The following GRID2 variants were observed in gnomAD, a reference collection of about 807,000 sequenced individuals.
GRID2 encodes the protein glutamate receptor ionotropic, delta-2.
Under a neutral mutation model 114.8 loss-of-function variants are expected in GRID2, and 33 were observed. The ratio of observed to expected loss-of-function variants is 0.29; its 90% confidence interval spans 0.22 to 0.38. The LOEUF (loss-of-function observed/expected upper bound fraction) is 0.38, where lower values mean the gene tolerates loss of function less well. Ranked by LOEUF, GRID2 falls within the 10% of genes least tolerant of loss-of-function variation. The pLI is 1.00. For synonymous variants in GRID2, 505 were observed against 449.9 expected, an observed-to-expected ratio of 1.12 and a Z score of -1.55; for missense variants, 1,184 against 1,257.7, an observed-to-expected ratio of 0.94 and a Z score of 0.89.
intron 2 of GRID2, among the ~76,000 whole-genome samples, chr4:92,592,076 GA>G (rs1728730044): frequency 1.3e-5 from 2 of 151,794 alleles, no homozygotes; most frequent in Admixed American, 6.6e-5. Context: ...GAAGGATCTG[GA>G]AAATCATAAC....
At chr4:92,965,483 AAAAAAAC>A (rs1442539999) in intron 2 of GRID2, among the ~76,000 whole-genome samples, 1 of 128,598 alleles carries the variant, frequency 7.8e-6, no homozygotes, top group African/African-American at 3.1e-5. Flanking sequence ...AAAAAAAAAA[AAAAAAAC>A]ACACAACATC....
chr4:92,327,341 A>G lies in GRID2; in HGVS notation c.88+22597A>G, dbSNP rs557600152. 1.9e-4 allele frequency among the ~76,000 whole-genome samples: 29 copies of G among 151,630 alleles called. No homozygotes were observed. The Admixed American group carries it at 1.9e-3, about 10-fold the overall frequency. ...GATAATTAAATATCAGTTTTTAACA[A>G]CATTCCTGCCTGTAATCCTAGATTT... On this transcript the variant is annotated intron_variant, in intron 1 of 15. Transcript: ENST00000282020.
chr4:92,463,246 C>T (rs762986603), intron 1 of GRID2, among the ~76,000 whole-genome samples: 1 of 151,842 alleles, frequency 6.6e-6, no homozygotes, highest in Non-Finnish European at 1.5e-5. Flanking sequence ...AAATTATCCT[C>T]TCAAAGGAAG....
intron 14 of GRID2, among the ~76,000 whole-genome samples, chr4:93,696,933 T>G (rs1727072569): frequency 6.6e-6 from 1 of 152,174 alleles, no homozygotes; most frequent in Non-Finnish European, 1.5e-5. Context: ...CGTTCCACAT[T>G]ATAGATATTC....
rs567961623 is a variant in GRID2, at chr4:92,844,475, G to T, written c.245-240520G>T. 6.6e-5 allele frequency among the ~76,000 whole-genome samples: 10 copies of T among 152,060 alleles called. 1 individual carries two copies. In the South Asian group the frequency reaches 1.9e-3, roughly 28 times the overall value. ...AATAACTTGAACCTGGGAAGAGGAG[G>T]TTGCAGTGAGCCAAGATCATGCCAC... On this transcript the variant is annotated intron_variant, in intron 2 of 15. Transcript: ENST00000282020.
At chr4:92,869,097 C>T (rs556715746) in intron 2 of GRID2, among the ~76,000 whole-genome samples, 1 of 152,150 alleles carries the variant, frequency 6.6e-6, no homozygotes, top group South Asian at 2.1e-4. Flanking sequence ...TCCATCTCTG[C>T]CTCTTTCTCT....
chr4:92,656,597 A>G (rs1459535481), intron 2 of GRID2, among the ~76,000 whole-genome samples: 1 of 151,810 alleles, frequency 6.6e-6, no homozygotes, highest in African/African-American at 2.4e-5. Flanking sequence ...CTAAAACTTT[A>G]AAATCATCAC....
At chr4:93,774,712 T>C (rs964707313), downstream of GRID2, among the ~76,000 whole-genome samples, 2 of 152,164 alleles carry the variant, frequency 1.3e-5, no homozygotes, top group Non-Finnish European at 2.9e-5. Flanking sequence ...TGAATGGCTC[T>C]CTAAAACATT....
intron 1 of GRID2, among the ~76,000 whole-genome samples, chr4:92,515,920 AT>A (rs1005034950): frequency 6.6e-6 from 1 of 151,928 alleles, no homozygotes; most frequent in Non-Finnish European, 1.5e-5. Context: ...TAGAAAGTAG[AT>A]TTTTTTAAAA....
chr4:93,507,517 C>T (rs552083109), intron 12 of GRID2, among the ~76,000 whole-genome samples: 3 of 152,310 alleles, frequency 2.0e-5, no homozygotes, highest in Non-Finnish European at 4.4e-5. Context: ...CTGTCCTCGA[C>T]TTGTTCTGCT....
intron 2 of GRID2, among the ~76,000 whole-genome samples, chr4:92,674,377 C>T (rs1424742574): frequency 2.0e-5 from 3 of 152,086 alleles, no homozygotes; most frequent in Admixed American, 2.0e-4. Context: ...CAAGTTCACT[C>T]ATTCTTTATT....
intron 2 of GRID2, among the ~76,000 whole-genome samples, chr4:93,069,941 C>A (rs1331809433): frequency 6.6e-6 from 1 of 152,016 alleles, no homozygotes; most frequent in Non-Finnish European, 1.5e-5. Context: ...AAAATGGGGG[C>A]TTACTTGGTT....
At chr4:92,933,177 A>G (rs1750377748) in intron 2 of GRID2, among the ~76,000 whole-genome samples, 1 of 150,538 alleles carries the variant, frequency 6.6e-6, no homozygotes, top group Non-Finnish European at 1.5e-5. Context: ...ATATATATGT[A>G]ATGTTTCCCT....
chr4:93,627,429 T>C (rs139948271), intron 14 of GRID2, among the ~76,000 whole-genome samples: 262 of 152,310 alleles, frequency 1.7e-3, no homozygotes, highest in African/African-American at 5.9e-3. Context: ...AACTCTTCCA[T>C]TAGCAAACCA....
chr4:92,776,468 G>A lies in GRID2; in HGVS notation c.244+186182G>A, dbSNP rs866719091. Among the ~76,000 whole-genome samples the A allele has an allele frequency of 2.6e-5, 4 of 152,120 alleles. No homozygotes were observed. The East Asian group carries it at 7.7e-4, about 29-fold the overall frequency. ...TACAGCTACCCACACAGAAGGGTCG[G>A]TGTGAGTGTGCTCCTTGTGTAGGGG... On this transcript the variant is annotated intron_variant, in intron 2 of 15. Transcript: ENST00000282020.
At chr4:92,636,874 GT>G (rs1036896165) in intron 2 of GRID2, among the ~76,000 whole-genome samples, 5 of 151,432 alleles carry the variant, frequency 3.3e-5, no homozygotes, top group Non-Finnish European at 7.4e-5. Flanking sequence ...TTCTTAGATT[GT>G]TTTTTTTAAT....
At chr4:93,237,823 A>G (rs1364227017) in intron 7 of GRID2, among the ~76,000 whole-genome samples, 2 of 151,836 alleles carry the variant, frequency 1.3e-5, no homozygotes, top group African/African-American at 2.4e-5. Flanking sequence ...TTTCAAGCCT[A>G]ATTTAACTTT....
At chr4:92,471,527 C>T (rs1262369189) in intron 1 of GRID2, among the ~76,000 whole-genome samples, 1 of 152,014 alleles carries the variant, frequency 6.6e-6, no homozygotes, top group Non-Finnish European at 1.5e-5. Context: ...AAAGTTCTTG[C>T]TTTTTAACTC....
chr4:92,602,855 G>A (rs1055493902), intron 2 of GRID2, among the ~76,000 whole-genome samples: 8 of 152,114 alleles, frequency 5.3e-5, no homozygotes, highest in Non-Finnish European at 5.9e-5. Context: ...CTTCAACAAT[G>A]TCTCAGGATA....
Sources: gnomAD v4.1 joint callset for allele counts (sites outside exome capture counted in the v4.1 genomes callset) on GRCh38, gnomAD v4.1.1 for gene constraint, MANE v1.5 for transcripts, NCBI Gene and HGNC (gene_info 2026-07-23, HGNC 2026-07-21) for gene names.